The following RMDN1 variants were observed in gnomAD, a reference collection of about 807,000 sequenced individuals.
RMDN1 encodes regulator of microtubule dynamics protein 1.
In RMDN1, 48 loss-of-function variants were observed where a neutral mutation model predicts 48.9. That is an observed-to-expected ratio of 0.98 (90% CI 0.78 to 1.25). RMDN1 has a LOEUF of 1.25. Ranked by LOEUF, RMDN1 falls within the 50% of genes most tolerant of loss-of-function variation. The probability of loss-of-function intolerance (pLI) is 0.00; values close to 1 mark genes in which losing one functional copy is unlikely to be tolerated. For missense variants in RMDN1, 418 were observed against 373.4 expected, an observed-to-expected ratio of 1.12 and a Z score of -0.98; for synonymous variants, 148 against 132.6, an observed-to-expected ratio of 1.12 and a Z score of -0.80.
chr8:86,469,914 T>TA (rs1243455614), downstream of RMDN1, among the ~76,000 whole-genome samples: 2 of 152,328 alleles, frequency 1.3e-5, no homozygotes, highest in South Asian at 2.1e-4. Flanking sequence ...TCTTGATCCT[T>TA]ACAATTCCAT....
intron 2 of RMDN1, chr8:86,504,559 C>T: frequency 1.5e-6 from 2 of 1,294,118 alleles, no homozygotes; most frequent in Admixed American, 1.7e-5. Flanking sequence ...CCTATTTCTG[C>T]TGCAAAGGGC....
At position 86,478,925 on chromosome 8, in the gene RMDN1, T is replaced by TC. The variant is rs1254915222; in HGVS notation, c.726dup (p.Lys243GlufsTer55). The TC allele has an allele frequency of 6.2e-7, 1 of 1,610,892 alleles. No homozygotes were observed. The highest frequency in any genetic ancestry group is 1.1e-5 in the South Asian group (1 of 91,014). On this transcript the variant is annotated frameshift_variant, in exon 7 of 10. Coordinates refer to ENST00000406452, the MANE Select transcript of RMDN1 (RefSeq NM_016033.3). LOFTEE classifies it high-confidence loss of function. ...CTTAACAAAGGACATCATACTACCT[T>TC]CTCATAGGTGGAACTAGGAGGAGTT...
intron 1 of RMDN1, 89 bp from the exon 2 acceptor site, chr8:86,507,201 C>T (rs1819515878): frequency 2.7e-6 from 2 of 741,330 alleles, no homozygotes; most frequent in Admixed American, 4.3e-5. Flanking sequence ...TTTTCTCCCA[C>T]CCCCAAAGCA....
chr8:86,491,512 C>A (rs1230945257), intron 2 of RMDN1, among the ~76,000 whole-genome samples: 2 of 152,132 alleles, frequency 1.3e-5, no homozygotes, highest in African/African-American at 4.8e-5. Flanking sequence ...TCCACATATC[C>A]GCAAATCAGT....
chr8:86,513,681 A>C (rs1210519791), upstream of RMDN1, among the ~76,000 whole-genome samples: 2 of 152,236 alleles, frequency 1.3e-5, no homozygotes. Context: ...TTCATTTGTA[A>C]AATGGGTATA....
intron 2 of RMDN1, among the ~76,000 whole-genome samples, chr8:86,501,134 C>A (rs72690427): frequency 0.054 from 8,273 of 152,046 alleles, 318 homozygotes; most frequent in Non-Finnish European, 0.086. Flanking sequence ...CACTTGTACA[C>A]CGAATTCCAG....
chr8:86,501,730 ACTT>A (rs1349517698), intron 2 of RMDN1, among the ~76,000 whole-genome samples: 5 of 152,090 alleles, frequency 3.3e-5, no homozygotes, highest in Admixed American at 6.5e-5. Context: ...AACTCTGTGA[ACTT>A]CTTTTCAAAA....
rs1263399807 is a variant in RMDN1 at position 86,486,657 on chromosome 8, A to C, written c.336-14T>G. 6.3e-7 allele frequency: 1 copy of C among 1,581,346 alleles called. No individual in the cohort carries two copies. The highest frequency in any genetic ancestry group is 2.2e-5 in the East Asian group (1 of 44,674). ...TCTGCATCTTCACTAATTTGAAATA[A>C]AATATAAAACAACCATTTTAGCTCA... On this transcript the variant is annotated splice_polypyrimidine_tract_variant and intron_variant, in intron 3 of 9. Transcript: ENST00000406452.
chr8:86,477,639 A>C (rs1230351314), intron 7 of RMDN1, among the ~76,000 whole-genome samples: 1 of 152,224 alleles, frequency 6.6e-6, no homozygotes, highest in Non-Finnish European at 1.5e-5. Context: ...CAGTTCTCTT[A>C]AATCATAACT....
chr8:86,507,187 T>C, intron 1 of RMDN1, 75 bp from the exon 2 acceptor site: 1 of 834,530 alleles, frequency 1.2e-6, no homozygotes, highest in East Asian at 2.4e-5. Flanking sequence ...AAAAATTACA[T>C]GAATTTTCTC....
Position 86,474,968 on chromosome 8 carries a change from G to GA in RMDN1, c.761-16dup. On this transcript the variant is annotated splice_polypyrimidine_tract_variant and intron_variant, in intron 8 of 9. Coordinates refer to ENST00000406452, the MANE Select transcript of RMDN1 (RefSeq NM_016033.3). ...GTTTGGATCCACTGCACATAAGAAAGAAAAAATGATCTCAGAGGAAACAGT... is the reference window on the plus strand; with the variant it reads ...GTTTGGATCCACTGCACATAAGAAAGAAAAAAATGATCTCAGAGGAAACAGT... 6.3e-7 allele frequency: 1 copy of GA among 1,575,192 alleles called. No homozygotes were observed. The highest frequency in any genetic ancestry group is 8.6e-7 in the Non-Finnish European group (1 of 1,167,256).
At chr8:86,478,900 C>G (rs1020895983) in intron 7 of RMDN1, 23 bp downstream of exon 7, 2 of 1,581,326 alleles carry the variant, frequency 1.3e-6, no homozygotes, top group Non-Finnish European at 1.7e-6. Flanking sequence ...TCCGTACTAA[C>G]TTAACAAAGG....
At chr8:86,513,860 T>C (rs1484008948) in intron 1 of RMDN1, among the ~76,000 whole-genome samples, 1 of 152,154 alleles carries the variant, frequency 6.6e-6, no homozygotes, top group East Asian at 1.9e-4. Context: ...GTAACTTTTT[T>C]TTTTTTTTTT....
chr8:86,512,043 A>G (rs1820072713), upstream of RMDN1, among the ~76,000 whole-genome samples: 1 of 152,202 alleles, frequency 6.6e-6, no homozygotes, highest in African/African-American at 2.4e-5. Flanking sequence ...CACATGTTAA[A>G]TTAATGGGTG....
downstream of RMDN1, among the ~76,000 whole-genome samples, chr8:86,470,852 G>GAGTT (rs370525920): frequency 1.6e-4 from 24 of 152,168 alleles, no homozygotes; most frequent in African/African-American, 5.8e-4. Flanking sequence ...AGTGCTGTCA[G>GAGTT]AGTTAGGGAT....
chr8:86,468,296 C>T (rs1462841946), downstream of RMDN1: 11 of 410,640 alleles, frequency 2.7e-5, no homozygotes, highest in Non-Finnish European at 4.7e-5. Context: ...TATTTTTCTA[C>T]ATATTGAGAG....
At chr8:86,501,099 A>G (rs1010246806) in intron 2 of RMDN1, among the ~76,000 whole-genome samples, 1 of 152,306 alleles carries the variant, frequency 6.6e-6, no homozygotes, top group African/African-American at 2.4e-5. Flanking sequence ...ACTGGGTACA[A>G]TGCTCACTAC....
intron 3 of RMDN1, 52 bp from the exon 4 acceptor site, chr8:86,486,695 G>A (rs775956071): frequency 7.0e-7 from 1 of 1,435,608 alleles, no homozygotes; most frequent in South Asian, 1.5e-5. Context: ...TTTAAAAATT[G>A]TTAAGGGTTA....
At chr8:86,486,359 T>C in intron 4 of RMDN1, 125 bp downstream of exon 4, 1 of 551,466 alleles carries the variant, frequency 1.8e-6, no homozygotes, top group South Asian at 7.7e-5. Context: ...AGATATAAGA[T>C]TGAATAAAAA....
Sources: allele counts gnomAD v4.1 joint callset (sites outside exome capture counted in the v4.1 genomes callset), GRCh38; gene constraint gnomAD v4.1.1; transcripts MANE v1.5; gene names NCBI Gene and HGNC (gene_info 2026-07-23, HGNC 2026-07-21).